Variants in CCDC150 observed in about 807,000 individuals in gnomAD.
CCDC150 encodes coiled-coil domain-containing protein 150.
A neutral mutation model predicts 156.5 loss-of-function variants in CCDC150; 151 were observed. The observed-to-expected ratio is 0.97, with a 90% CI of 0.85 to 1.10. CCDC150 has a LOEUF of 1.10. Among genes scored for constraint, CCDC150 ranks in the 50% least tolerant of loss-of-function variants. The pLI, the probability that CCDC150 is intolerant of heterozygous loss-of-function variation, is 0.00. For synonymous variants in CCDC150, 452 were observed against 429.4 expected (o/e 1.05, Z -0.65); for missense variants, 1,312 against 1,268.1 (o/e 1.03, Z -0.53).
chr2:196,669,819 A>G lies in CCDC150; in HGVS notation c.893-14A>G. On this transcript the variant is annotated splice_polypyrimidine_tract_variant and intron_variant, in intron 7 of 27. Transcript: ENST00000389175. ...GTTACTATTATCATAGTTATGTGGA[A>G]TTTTTGTTTTTAGCTTCTAGAGATG... 6.3e-7 allele frequency: 1 copy of G among 1,577,038 alleles called. No individual in the cohort carries two copies. The highest frequency in any genetic ancestry group is 1.1e-5 in the South Asian group (1 of 89,444).
At chr2:196,660,945 T>C (rs1693523804) in intron 5 of CCDC150, among the ~76,000 whole-genome samples, 1 of 152,224 alleles carries the variant, frequency 6.6e-6, no homozygotes. Context: ...ATTTAGGTCT[T>C]TGATCTATTT....
chr2:196,671,050 T>C (rs1694170685), intron 8 of CCDC150, among the ~76,000 whole-genome samples: 1 of 152,162 alleles, frequency 6.6e-6, no homozygotes, highest in Admixed American at 6.6e-5. Flanking sequence ...GAACCTATAT[T>C]GACACATTAT....
intron 13 of CCDC150, among the ~76,000 whole-genome samples, chr2:196,683,422 G>A (rs1333494124): frequency 6.6e-6 from 1 of 151,898 alleles, no homozygotes; most frequent in African/African-American, 2.4e-5. Flanking sequence ...CTAGTATTTT[G>A]TTAAGATTTT....
intron 15 of CCDC150, among the ~76,000 whole-genome samples, chr2:196,705,990 C>A (rs1246405342): frequency 1.3e-5 from 2 of 152,148 alleles, no homozygotes; most frequent in East Asian, 3.9e-4. Flanking sequence ...TAGCATGATG[C>A]CTCCAGCTTT....
At chr2:196,657,250 G>A in intron 4 of CCDC150, 114 bp downstream of exon 4, 4 of 1,027,090 alleles carry the variant, frequency 3.9e-6, no homozygotes, top group Non-Finnish European at 4.3e-6. Flanking sequence ...AGGATTCTTG[G>A]CATTTGACAT....
rs76712412 is a variant in CCDC150 at position 196,658,513 on chromosome 2, A to C, written c.577-279A>C. Among the ~76,000 whole-genome samples the C allele has an allele frequency of 9.1e-3, 1,385 of 152,324 alleles. 11 individuals are homozygous for C. The highest frequency in any genetic ancestry group is 0.015 in the South Asian group (73 of 4,830). The stretch of plus-strand genomic sequence containing the variant: ...CTGTCAATTACCAGATTGACCTCTA[A>C]TTATTGAATTTTATATAGGAGGTGG... On this transcript the variant is annotated intron_variant, in intron 4 of 27. Coordinates refer to ENST00000389175, the MANE Select transcript of CCDC150 (RefSeq NM_001080539.2).
intron 6 of CCDC150, among the ~76,000 whole-genome samples, chr2:196,666,500 T>C (rs1376403057): frequency 6.6e-6 from 1 of 152,194 alleles, no homozygotes. Context: ...TAGCCACTTG[T>C]GGCTAGTGGA....
chr2:196,654,663 G>A (rs1354732245), intron 2 of CCDC150, among the ~76,000 whole-genome samples: 1 of 151,802 alleles, frequency 6.6e-6, no homozygotes, highest in Admixed American at 6.6e-5. Flanking sequence ...CCTGACCTTG[G>A]GAGCATCTTT....
chr2:196,727,417 A>G (rs1280160448), intron 22 of CCDC150: 1 of 152,176 alleles, frequency 6.6e-6, no homozygotes, highest in African/African-American at 2.4e-5. Flanking sequence ...AAAAAAAAGA[A>G]AAAGAAAAAA....
At chr2:196,713,693 G>A in intron 17 of CCDC150, 2 of 1,389,756 alleles carry the variant, frequency 1.4e-6, no homozygotes, top group Non-Finnish European at 9.4e-7. Context: ...GGTAAGTGAA[G>A]ACCACAAATT....
intron 2 of CCDC150, among the ~76,000 whole-genome samples, chr2:196,655,583 A>G (rs935856139): frequency 1.9e-4 from 29 of 152,184 alleles, no homozygotes; most frequent in African/African-American, 6.8e-4. Context: ...AGAATGTACA[A>G]AGAAATCCTT....
intron 13 of CCDC150, among the ~76,000 whole-genome samples, chr2:196,689,041 G>C (rs972510278): frequency 2.0e-5 from 3 of 152,250 alleles, no homozygotes; most frequent in African/African-American, 7.2e-5. Flanking sequence ...GTTTGTCAAA[G>C]ATCAGATAGT....
At chr2:196,721,016 C>T (rs1697849351) in intron 20 of CCDC150, among the ~76,000 whole-genome samples, 4 of 152,012 alleles carry the variant, frequency 2.6e-5, no homozygotes, top group Admixed American at 2.6e-4. Context: ...TAAGGAGTCA[C>T]CTACACACAC....
chr2:196,705,352 CT>C (rs1170129126), intron 15 of CCDC150, among the ~76,000 whole-genome samples: 1 of 152,186 alleles, frequency 6.6e-6, no homozygotes, highest in African/African-American at 2.4e-5. Flanking sequence ...TAAATGCCTT[CT>C]TTTGAAAACT....
rs184237013 is a variant in CCDC150 at position 196,676,345 on chromosome 2, T to C, written c.1262+78T>C. On this transcript the variant is annotated intron_variant, in intron 11 of 27. Transcript: ENST00000389175. ...TTCTTATCATGTGTCCGTCTCAGTC[T>C]TATCGTCAATGAAAACATTTGATTC... 2.2e-3 allele frequency: 3,335 copies of C among 1,526,352 alleles called. 65 individuals are homozygous for C. The African/African-American group carries it at 0.041, about 19-fold the overall frequency. 94.6% of individuals were successfully genotyped at this position (1,526,352 alleles called of 1,614,324 possible).
At chr2:196,722,151 G>A (rs1697955801) in intron 21 of CCDC150, among the ~76,000 whole-genome samples, 1 of 152,180 alleles carries the variant, frequency 6.6e-6, no homozygotes, top group Non-Finnish European at 1.5e-5. Context: ...GACTTATCCA[G>A]TTCAGGTCAA....
chr2:196,731,983 A>C (rs749676798), intron 26 of CCDC150, 50 bp from the exon 27 acceptor site: 1 of 1,573,912 alleles, frequency 6.4e-7, no homozygotes, highest in South Asian at 1.2e-5. Context: ...ACACAAAAAA[A>C]CTTGTAACTC....
intron 2 of CCDC150, among the ~76,000 whole-genome samples, chr2:196,654,543 GA>G (rs1349000355): frequency 1.3e-5 from 2 of 150,910 alleles, no homozygotes; most frequent in African/African-American, 4.9e-5. Flanking sequence ...CCCCTCTATT[GA>G]ATTTTTTCAT....
In CCDC150 at chr2:196,665,676, GA is replaced by G; in HGVS notation, c.759del (p.Lys253AsnfsTer45). 1 of 1,571,594 alleles carries G rather than the reference GA, an allele frequency of 6.4e-7. No homozygotes were observed. The highest frequency in any genetic ancestry group is 1.8e-5 in the Admixed American group (1 of 55,398). On this transcript the variant is annotated frameshift_variant, in exon 6 of 28. Coordinates refer to ENST00000389175, the MANE Select transcript of CCDC150 (RefSeq NM_001080539.2). LOFTEE classifies it high-confidence loss of function. ...ATGGGATCAACAGTGGAGGTAGAAC[GA>G]AAACAGGTAGAAAGATTTCTTCTCC... ...QEMGSTVEVE[R>X]KQVHILQQNC...
Sources: gnomAD v4.1 joint callset for allele counts (sites outside exome capture counted in the v4.1 genomes callset) on GRCh38, gnomAD v4.1.1 for gene constraint, MANE v1.5 for transcripts, NCBI Gene and HGNC (gene_info 2026-07-23, HGNC 2026-07-21) for gene names.